Variants in CTTNBP2 observed in about 807,000 individuals in gnomAD.
The protein encoded by CTTNBP2 is cortactin binding protein 2, also known as cortactin-binding protein 2.
A neutral mutation model predicts 156.9 loss-of-function variants in CTTNBP2; 108 were observed. The ratio of observed to expected loss-of-function variants is 0.69; its 90% CI spans 0.59 to 0.81. The LOEUF is 0.81. Ranked by LOEUF, CTTNBP2 falls within the 30% of genes least tolerant of loss-of-function variation. The pLI is 0.00. For missense variants in CTTNBP2, 1,924 were observed against 2,035.4 expected (o/e 0.95, Z 1.05); for synonymous variants, 767 against 751.8 (o/e 1.02, Z -0.33).
rs74876342 is a variant in CTTNBP2 at position 117,783,511 on chromosome 7, T to A, written c.2273-550A>T. Among the ~76,000 whole-genome samples the A allele has an allele frequency of 5.1e-3, 784 of 152,332 alleles. 8 individuals carry two copies. The highest frequency in any genetic ancestry group is 0.018 in the African/African-American group (747 of 41,570). On this transcript the variant is annotated intron_variant, in intron 5 of 22. Coordinates refer to ENST00000160373, the MANE Select transcript of CTTNBP2 (RefSeq NM_033427.3). ...AACTCAGGAATAAATATCACCTAGA[T>A]GTCACATTCCTGATGTTACTTACTA...
intron 4 of CTTNBP2, among the ~76,000 whole-genome samples, chr7:117,789,647 C>G (rs185913712): frequency 4.3e-4 from 65 of 152,246 alleles, no homozygotes; most frequent in African/African-American, 1.5e-3. Context: ...AAAGTCAATT[C>G]CATAGCAAAT....
chr7:117,864,916 A>G (rs1171969341), intron 1 of CTTNBP2, among the ~76,000 whole-genome samples: 1 of 141,454 alleles, frequency 7.1e-6, no homozygotes, highest in Non-Finnish European at 1.5e-5. Context: ...TATTCATTCA[A>G]TATATATTCA....
intron 8 of CTTNBP2, among the ~76,000 whole-genome samples, chr7:117,774,194 T>C (rs932100800): frequency 7.9e-5 from 12 of 152,284 alleles, no homozygotes; most frequent in Admixed American, 5.2e-4. Flanking sequence ...CGATGACATT[T>C]AATGGTGGTC....
Position 117,724,676 on chromosome 7 carries a change from A to G in CTTNBP2, c.4318T>C (p.Ser1440Pro). The change falls in exon 19 of 23, where the codon TCC becomes CCC. Residue 1440 changes from serine (S) to proline (P), a missense_variant. Coordinates refer to ENST00000160373, the MANE Select transcript of CTTNBP2 (RefSeq NM_033427.3). ...TTCTTGTTACAAGTGTTATAACTGG[A>G]AACTATGGATAAAGGGAAACTTCCT... ...KGGSFPLSIV[S>P]SYNTCNKKKG... 1 of 1,614,168 alleles carries G rather than the reference A, an allele frequency of 6.2e-7. No homozygotes were observed. The highest frequency in any genetic ancestry group is 8.5e-7 in the Non-Finnish European group (1 of 1,180,016).
At chr7:117,808,300 C>A (rs1236482440) in intron 3 of CTTNBP2, among the ~76,000 whole-genome samples, 1 of 151,386 alleles carries the variant, frequency 6.6e-6, no homozygotes, top group Non-Finnish European at 1.5e-5. Context: ...AAAAAAAAAA[C>A]CTCCAAATAT....
At chr7:117,870,303 C>A (rs1376990129) in intron 1 of CTTNBP2, among the ~76,000 whole-genome samples, 1 of 152,186 alleles carries the variant, frequency 6.6e-6, no homozygotes, top group Non-Finnish European at 1.5e-5. Flanking sequence ...AAAAATTAAG[C>A]TGCAACACTT....
At chr7:117,749,217 T>C (rs561595574) in intron 12 of CTTNBP2, among the ~76,000 whole-genome samples, 2 of 152,288 alleles carry the variant, frequency 1.3e-5, no homozygotes, top group South Asian at 4.1e-4. Flanking sequence ...TTATTATTCG[T>C]TTATGTACTA....
chr7:117,861,709 G>T (rs1803767222), intron 1 of CTTNBP2, among the ~76,000 whole-genome samples: 3 of 152,062 alleles, frequency 2.0e-5, no homozygotes. Context: ...CAGCATAAAG[G>T]TTCCTGGGAG....
intron 9 of CTTNBP2, among the ~76,000 whole-genome samples, chr7:117,763,483 A>C (rs770996031): frequency 6.6e-6 from 1 of 151,862 alleles, no homozygotes; most frequent in Non-Finnish European, 1.5e-5. Flanking sequence ...ATACTATTAA[A>C]TTAATTCTTC....
intron 2 of CTTNBP2, among the ~76,000 whole-genome samples, chr7:117,815,163 G>T (rs1174449895): frequency 6.6e-6 from 1 of 152,082 alleles, no homozygotes. Context: ...TATAGCAAGG[G>T]TTTCTAGAAA....
At chr7:117,823,461 T>C (rs1319183529) in intron 2 of CTTNBP2, among the ~76,000 whole-genome samples, 1 of 152,214 alleles carries the variant, frequency 6.6e-6, no homozygotes, top group African/African-American at 2.4e-5. Flanking sequence ...ATAAAAGAAA[T>C]ATTTTTATAT....
At chr7:117,768,115 ACC>A (rs746417122) in intron 8 of CTTNBP2, among the ~76,000 whole-genome samples, 21 of 140,806 alleles carry the variant, frequency 1.5e-4, no homozygotes, top group African/African-American at 2.6e-4. Context: ...ACACACACAC[ACC>A]CACTTGGAGG....
chr7:117,746,012 C>A lies in CTTNBP2; in HGVS notation c.3435+1G>T, dbSNP rs1454012342. 2 of 1,613,648 alleles carry A rather than the reference C, an allele frequency of 1.2e-6. No homozygotes were observed. Among genetic ancestry groups the A allele is most frequent in the Admixed American group, 1.7e-5 (1 of 60,024 alleles). ...GCAGCTGATATACAAGTAATCAATA[C>A]CTTCAGGCAGAGTGCAAGCTGATGT... On this transcript the variant is annotated splice_donor_variant, in intron 13 of 22. Coordinates refer to ENST00000160373, the MANE Select transcript of CTTNBP2 (RefSeq NM_033427.3). LOFTEE classifies it high-confidence loss of function.
At chr7:117,768,581 A>AAAAAAAAAAAAAGAAAG (rs1554419704) in intron 8 of CTTNBP2, among the ~76,000 whole-genome samples, 6 of 99,110 alleles carry the variant, frequency 6.1e-5, no homozygotes, top group Admixed American at 1.1e-4. Context: ...AAAAAAAAAA[A>AAAAAAAAAAAAAGAAAG]AAAGAAAGAA....
chr7:117,794,643 T>C (rs1430143837), intron 3 of CTTNBP2, among the ~76,000 whole-genome samples: 2 of 152,182 alleles, frequency 1.3e-5, no homozygotes, highest in Admixed American at 6.5e-5. Flanking sequence ...GCTATACAAC[T>C]AATGGTGAGA....
In CTTNBP2 at chr7:117,728,241, G is replaced by A. The variant is rs898300242; in HGVS notation, c.3903C>T (p.Cys1301=). The A allele has an allele frequency of 4.3e-6, 7 of 1,613,740 alleles. No individual in the cohort carries two copies. The highest frequency in any genetic ancestry group is 2.2e-5 in the East Asian group (1 of 44,856). ...NKFKGQAPSP[C]DPVCKIVDWA... is the part of the protein sequence containing the mutation. ...AGTCGACAATCTTGCACACAGGATC[G>A]CAGGGGGAGGGCGCCTGACCTTTGA... The change falls in exon 17 of 23, where the codon TGC becomes TGT. Residue 1301 remains cysteine, a synonymous_variant. Transcript: ENST00000160373.
At chr7:117,720,996 T>C (rs1458195716) in intron 20 of CTTNBP2, 71 bp downstream of exon 20, 4 of 983,964 alleles carry the variant, frequency 4.1e-6, no homozygotes, top group Admixed American at 3.4e-5. Context: ...ACATGGAACA[T>C]TTAAAATAGT....
chr7:117,729,007 G>C (rs1795256171), intron 16 of CTTNBP2, among the ~76,000 whole-genome samples: 1 of 152,216 alleles, frequency 6.6e-6, no homozygotes, highest in African/African-American at 2.4e-5. Flanking sequence ...AGAGGGACAG[G>C]GATCTCCCCA....
chr7:117,749,583 G>A (rs953461496), intron 12 of CTTNBP2, among the ~76,000 whole-genome samples: 1 of 152,156 alleles, frequency 6.6e-6, no homozygotes, highest in East Asian at 1.9e-4. Context: ...TCTAGGACCC[G>A]CAGTCTTCAG....
Sources: allele counts gnomAD v4.1 joint callset (sites outside exome capture counted in the v4.1 genomes callset), GRCh38; gene constraint gnomAD v4.1.1; transcripts MANE v1.5; gene names NCBI Gene and HGNC (gene_info 2026-07-23, HGNC 2026-07-21).